The following ELF4 variants were observed in gnomAD, a reference collection of about 807,000 sequenced individuals.
ELF4 encodes E74 like ETS transcription factor 4.
In ELF4, 10 loss-of-function variants were observed where a neutral mutation model predicts 31.7. That is an observed-to-expected ratio of 0.32 (90% CI 0.19 to 0.54). The LOEUF (loss-of-function observed/expected upper bound fraction) is 0.54, where lower values mean the gene tolerates loss of function less well. ELF4 is among the 20% of genes least tolerant of loss of function. ELF4 has a pLI of 0.95. For missense variants in ELF4, 418 were observed against 522.0 expected (o/e 0.80, Z 1.94); for synonymous variants, 208 against 226.7 (o/e 0.92, Z 0.74).
At chrX:130,072,445 G>A (rs760599268) in intron 4 of ELF4, 28 bp from the exon 5 acceptor site, 14 of 1,206,030 alleles carry the variant, frequency 1.2e-5, no homozygotes, top group Admixed American at 1.1e-4. Flanking sequence ...TGAGGTGGGC[G>A]GGGCCCAGGC....
Position 130,081,277 on chromosome X carries a change from C to G in ELF4, c.54G>C (p.Gly18=), listed in dbSNP as rs747098766. ...ATACCTGGTGGATATCATCATCCATCCCGTTGCTTGCGAACTCAAAGATCA... is the reference window on the plus strand; with the variant it reads ...ATACCTGGTGGATATCATCATCCATGCCGTTGCTTGCGAACTCAAAGATCA... The part of the protein sequence containing the change: ...SDLIFEFASN[G]MDDDIHQLED... The change falls in exon 2 of 9, where the codon GGG becomes GGC. Residue 18 remains glycine, a synonymous_variant. Transcript: ENST00000308167. 4.9e-6 allele frequency: 6 copies of G among 1,212,224 alleles called. No homozygotes were observed. Among genetic ancestry groups the G allele is most frequent in the Non-Finnish European group, 5.6e-6 (5 of 895,617 alleles).
intron 1 of ELF4, among the ~76,000 whole-genome samples, chrX:130,108,163 G>A (rs1318976282): frequency 2.7e-5 from 3 of 109,810 alleles, no homozygotes; most frequent in Non-Finnish European, 3.8e-5. Context: ...AGCCAAGATC[G>A]TGCCATTGCA....
intron 2 of ELF4, 39 bp downstream of exon 2, chrX:130,081,217 C>A: frequency 8.3e-7 from 1 of 1,198,262 alleles, no homozygotes; most frequent in African/African-American, 1.7e-5. Context: ...ATCTGATTGT[C>A]CACAGGGGCT....
intron 1 of ELF4, among the ~76,000 whole-genome samples, chrX:130,099,546 C>G (rs898401053): frequency 9.0e-5 from 10 of 111,289 alleles, no homozygotes; most frequent in African/African-American, 2.9e-4. Flanking sequence ...TGCACTCTAG[C>G]CTGGGTGACA....
Position 130,067,015 on chromosome X carries a change from C to T in ELF4, c.1698G>A (p.Leu566=). ...GAGCCTGATCTCTCAGGAGCTCCCTCAGGGTCTCTTCAGGAACCAGCAGCC... is the reference window on the plus strand; with the variant it reads ...GAGCCTGATCTCTCAGGAGCTCCCTTAGGGTCTCTTCAGGAACCAGCAGCC... ...MEGLLVPEET[L]RELLRDQAHL... is the part of the protein sequence containing the mutation. Residue 566 remains leucine (L), a synonymous_variant, in exon 9 of 9, where the codon CTG becomes CTA. Coordinates refer to ENST00000308167, the MANE Select transcript of ELF4 (RefSeq NM_001421.4). 5.8e-6 allele frequency: 7 copies of T among 1,212,397 alleles called. No individual in the cohort carries two copies. The highest frequency in any genetic ancestry group is 2.3e-4 in the Middle Eastern group (1 of 4,356).
At chrX:130,102,125 C>T (rs771829163) in intron 1 of ELF4, among the ~76,000 whole-genome samples, 2 of 112,865 alleles carry the variant, frequency 1.8e-5, no homozygotes, top group South Asian at 7.2e-4. Context: ...CCAGCCTGGG[C>T]GACGGAGTGG....
intron 2 of ELF4, among the ~76,000 whole-genome samples, chrX:130,079,884 T>A (rs1932870737): frequency 8.9e-6 from 1 of 112,122 alleles, no homozygotes; most frequent in Non-Finnish European, 1.9e-5. Context: ...GTCTGATGCC[T>A]TCCACGAGGC....
chrX:130,074,840 C>T (rs1389283602), intron 2 of ELF4, 88 bp from the exon 3 acceptor site: 80 of 1,066,848 alleles, frequency 7.5e-5, no homozygotes, highest in Admixed American at 1.5e-4. Flanking sequence ...TGTGCAAGTC[C>T]TTATTCTTGG....
chrX:130,074,460 T>C (rs1486380955), intron 3 of ELF4, 121 bp downstream of exon 3: 1 of 992,038 alleles, frequency 1.0e-6, no homozygotes, highest in Non-Finnish European at 1.4e-6. Context: ...GCAGCACAAC[T>C]TTTTGGCTGG....
rs754016115 is a variant in ELF4 at position 130,066,634 on chromosome X, C to T, written c.*87G>A. 5.8e-4 allele frequency: 570 copies of T among 975,625 alleles called. No homozygotes were observed. Among genetic ancestry groups the T allele is most frequent in the South Asian group, 3.2e-3 (151 of 47,743 alleles). 80.4% of individuals were successfully genotyped at this position (975,625 alleles called of 1,213,427 possible). Reference sequence around the variant, plus strand: ...AGTGTATTGACATCCCACTGAAATGCAGGGGCAGGTGTGCTACTGAAGTCG... The same window carrying T: ...AGTGTATTGACATCCCACTGAAATGTAGGGGCAGGTGTGCTACTGAAGTCG... On this transcript the variant is annotated 3_prime_UTR_variant, in exon 9 of 9. Transcript: ENST00000308167.
At chrX:130,081,182 G>A in intron 2 of ELF4, 74 bp downstream of exon 2, 1 of 1,129,314 alleles carries the variant, frequency 8.9e-7, no homozygotes, top group Non-Finnish European at 1.2e-6. Flanking sequence ...TGGCTCCCTG[G>A]CTGTCTGCCT....
At chrX:130,078,763 A>C (rs770937142) in intron 2 of ELF4, among the ~76,000 whole-genome samples, 19 of 15,029 alleles carry the variant, frequency 1.3e-3, no homozygotes, top group African/African-American at 2.8e-3. Flanking sequence ...CTCTCTCTCT[A>C]CACACACACA....
At chrX:130,081,720 AAAG>A (rs961900332) in intron 1 of ELF4, among the ~76,000 whole-genome samples, 181 bp from the exon 2 acceptor site, 4 of 112,472 alleles carry the variant, frequency 3.6e-5, no homozygotes, top group Admixed American at 2.8e-4. Flanking sequence ...TCAGGGAAAG[AAAG>A]AAGGAGAGAG....
At chrX:130,104,277 TACAC>T (rs61193112) in intron 1 of ELF4, among the ~76,000 whole-genome samples, 3,359 of 86,351 alleles carry the variant, frequency 0.039, 69 homozygotes, top group African/African-American at 0.066. Context: ...TTCAGTATAT[TACAC>T]ACACACACAC....
At chrX:130,074,264 C>T in intron 3 of ELF4, 123 bp from the exon 4 acceptor site, 1 of 786,901 alleles carries the variant, frequency 1.3e-6, no homozygotes, top group Non-Finnish European at 1.9e-6. Flanking sequence ...TCGGGCTGAC[C>T]CTGAAGTGAG....
At chrX:130,099,053 C>G (rs1933200513) in intron 1 of ELF4, among the ~76,000 whole-genome samples, 1 of 112,591 alleles carries the variant, frequency 8.9e-6, no homozygotes, top group African/African-American at 3.2e-5. Context: ...TTCTAGGTCT[C>G]TAGAATACAA....
At chrX:130,071,832 T>C (rs1471704063) in intron 5 of ELF4, among the ~76,000 whole-genome samples, 1 of 111,792 alleles carries the variant, frequency 8.9e-6, no homozygotes, top group Non-Finnish European at 1.9e-5. Context: ...CCCAAAGTCC[T>C]CTCTCATATA....
rs1315332811 is a variant in ELF4, at chrX:130,064,756, T to C, written c.*1965A>G. On this transcript the variant is annotated 3_prime_UTR_variant, in exon 9 of 9. Coordinates refer to ENST00000308167, the MANE Select transcript of ELF4 (RefSeq NM_001421.4). ...GTGAAGAAGACATTTGATTTCACCA[T>C]GAGGTCATTGATGACCTTCCAGCAA... is the stretch of plus-strand genomic sequence containing the variant. 1 of 126,207 alleles carries C rather than the reference T, an allele frequency of 7.9e-6. No individual in the cohort carries two copies. Among genetic ancestry groups the C allele is most frequent in the Non-Finnish European group, 1.6e-5 (1 of 62,054 alleles). The allele number at this position is 126,207 out of a possible 1,213,427, so 10.4% of individuals were successfully genotyped here.
intron 1 of ELF4, among the ~76,000 whole-genome samples, chrX:130,104,815 C>T (rs751469497): frequency 4.5e-5 from 5 of 111,718 alleles, no homozygotes; most frequent in South Asian, 3.7e-4. Context: ...GTCAGGTGTT[C>T]TGAGAGGCAG....
Sources: allele counts gnomAD v4.1 joint callset (sites outside exome capture counted in the v4.1 genomes callset), GRCh38; gene constraint gnomAD v4.1.1; transcripts MANE v1.5; gene names NCBI Gene and HGNC (gene_info 2026-07-23, HGNC 2026-07-21).